The following SLC35D1 variants were observed in gnomAD, a reference collection of about 807,000 sequenced individuals.
SLC35D1 encodes the protein nucleotide sugar transporter SLC35D1.
Under a neutral mutation model 46.7 loss-of-function variants are expected in SLC35D1, and 31 were observed. The observed-to-expected ratio is 0.66, with a 90% CI of 0.50 to 0.90. The LOEUF is 0.90. SLC35D1 is among the 40% of genes least tolerant of loss of function. The probability of loss-of-function intolerance (pLI) is 0.00; values close to 1 mark genes in which losing one functional copy is unlikely to be tolerated. For missense variants in SLC35D1, 397 were observed against 426.2 expected, an observed-to-expected ratio of 0.93 and a Z score of 0.60; for synonymous variants, 195 against 164.6, an observed-to-expected ratio of 1.18 and a Z score of -1.41.
the SLC35D1 span, among the ~76,000 whole-genome samples, chr1:66,980,882 T>C: frequency 6.6e-6 from 1 of 151,950 alleles, no homozygotes; most frequent in Non-Finnish European, 1.5e-5. Flanking sequence ...ATCACACTAC[T>C]CAGTTGTGCA....
chr1:67,033,618 A>G (rs1668063594), intron 8 of SLC35D1, among the ~76,000 whole-genome samples: 1 of 152,054 alleles, frequency 6.6e-6, no homozygotes, highest in Non-Finnish European at 1.5e-5. Flanking sequence ...AAATATTTAC[A>G]AATATTTTCT....
intron 8 of SLC35D1, among the ~76,000 whole-genome samples, chr1:67,036,368 C>G (rs1017336247): frequency 6.6e-6 from 1 of 151,992 alleles, no homozygotes; most frequent in Non-Finnish European, 1.5e-5. Flanking sequence ...ATTCTTGCAT[C>G]AGTGTTTTAT....
chr1:67,013,620 T>C (rs1468470330), intron 10 of SLC35D1, among the ~76,000 whole-genome samples: 1 of 152,140 alleles, frequency 6.6e-6, no homozygotes, highest in African/African-American at 2.4e-5. Flanking sequence ...TTGCTGTCTT[T>C]GGTACAACAT....
At chr1:67,045,527 C>T (rs1645243280) in intron 7 of SLC35D1, among the ~76,000 whole-genome samples, 1 of 152,080 alleles carries the variant, frequency 6.6e-6, no homozygotes, top group Admixed American at 6.6e-5. Context: ...TAGTTTGTTG[C>T]TTATAAGATA....
Position 67,033,030 on chromosome 1 carries a change from CATA to C in SLC35D1, c.729+9203_729+9205del, listed in dbSNP as rs1258308472. Among the ~76,000 whole-genome samples, 3 of 152,170 alleles carry C rather than the reference CATA, an allele frequency of 2.0e-5. No individual in the cohort carries two copies. In the East Asian group the frequency reaches 5.8e-4, roughly 29 times the overall value. ...TTCTGTGCCTGCCTTATTTCCTTAA[CATA>C]ATGACCTCCAGTTCCATCCATGTTG... On this transcript the variant is annotated intron_variant, in intron 8 of 11. Coordinates refer to ENST00000235345, the MANE Select transcript of SLC35D1 (RefSeq NM_015139.3).
chr1:66,997,480 G>T (rs1233355984), downstream of SLC35D1, among the ~76,000 whole-genome samples: 2 of 140,924 alleles, frequency 1.4e-5, no homozygotes, highest in African/African-American at 5.3e-5. Context: ...TCCAGCCTGG[G>T]TGACAGAGTG....
chr1:67,048,293 C>G (rs924938952), intron 6 of SLC35D1, among the ~76,000 whole-genome samples: 1 of 152,184 alleles, frequency 6.6e-6, no homozygotes, highest in Non-Finnish European at 1.5e-5. Context: ...AGACAGTAAT[C>G]CTTTTCAGAA....
At chr1:66,986,090 C>T in the SLC35D1 span, 1 of 1,064,108 alleles carries the variant, frequency 9.4e-7, no homozygotes, top group Non-Finnish European at 1.1e-6. Context: ...TATTGGCACA[C>T]ACAAGGAACA....
chr1:67,011,829 T>A (rs1272127435), intron 10 of SLC35D1, among the ~76,000 whole-genome samples: 1 of 152,108 alleles, frequency 6.6e-6, no homozygotes, highest in Non-Finnish European at 1.5e-5. Context: ...AGAAAAAGAT[T>A]TGTGTGACAA....
the SLC35D1 span, chr1:66,973,014 T>C: frequency 7.2e-7 from 1 of 1,384,220 alleles, no homozygotes; most frequent in South Asian, 1.2e-5. Flanking sequence ...AATCTCTTTT[T>C]TGCAAAAAGA....
chr1:66,984,812 A>C, the SLC35D1 span: 4 of 1,613,642 alleles, frequency 2.5e-6, no homozygotes, highest in Non-Finnish European at 3.4e-6. Flanking sequence ...GTAAACAGCA[A>C]TGGAAAAGAA....
At chr1:66,987,905 T>C in the SLC35D1 span, 2 of 150,464 alleles carry the variant, frequency 1.3e-5, no homozygotes, top group Admixed American at 6.6e-5. Flanking sequence ...TTTCAGTCCC[T>C]AGACCTCCAT....
intron 11 of SLC35D1, among the ~76,000 whole-genome samples, chr1:67,005,250 G>A (rs1667422933): frequency 6.6e-6 from 1 of 152,098 alleles, no homozygotes; most frequent in Admixed American, 6.5e-5. Context: ...GCCTGACCTG[G>A]GCGCCAATTC....
Position 67,053,966 on chromosome 1 carries a change from G to A in SLC35D1, c.48C>T (p.Ala16=). 1 of 1,613,554 alleles carries A rather than the reference G, an allele frequency of 6.2e-7. No individual in the cohort carries two copies. The highest frequency in any genetic ancestry group is 8.5e-7 in the Non-Finnish European group (1 of 1,179,634). ...RRQHARVKGE[A]PAKSSTLRDE... is the part of the protein sequence containing the mutation. ...CTCGGAGTGTGGAGGATTTCGCGGG[G>A]GCTTCTCCTTTAACCCGAGCATGCT... Residue 16 remains alanine, a synonymous_variant, in exon 1 of 12, where the codon GCC becomes GCT. Coordinates refer to ENST00000235345, the MANE Select transcript of SLC35D1 (RefSeq NM_015139.3).
chr1:66,990,988 G>T, the SLC35D1 span, among the ~76,000 whole-genome samples: 1 of 152,112 alleles, frequency 6.6e-6, no homozygotes, highest in Admixed American at 6.5e-5. Context: ...ATAATCATTT[G>T]TCTCTCCTGC....
chr1:67,047,228 C>A (rs1389042544), intron 7 of SLC35D1, 37 bp downstream of exon 7: 1 of 1,496,986 alleles, frequency 6.7e-7, no homozygotes, highest in Non-Finnish European at 9.3e-7. Flanking sequence ...ATGCCAACAT[C>A]AGTACACAAC....
intron 3 of SLC35D1, 62 bp from the exon 4 acceptor site, chr1:67,052,141 T>C (rs921241523): frequency 2.0e-5 from 23 of 1,173,768 alleles, no homozygotes; most frequent in Non-Finnish European, 2.8e-5. Context: ...CAAGGTCCTT[T>C]CAAACAGAAA....
intron 10 of SLC35D1, among the ~76,000 whole-genome samples, chr1:67,009,586 C>T (rs1282951104): frequency 1.3e-5 from 2 of 152,108 alleles, no homozygotes; most frequent in Non-Finnish European, 2.9e-5. Context: ...GGAAAAAAGG[C>T]TCATCACCAA....
intron 10 of SLC35D1, among the ~76,000 whole-genome samples, chr1:67,014,905 C>T (rs1186748216): frequency 6.6e-6 from 1 of 150,994 alleles, no homozygotes; most frequent in Admixed American, 6.6e-5. Context: ...TGTCTCTTGG[C>T]CATACTAAGG....
Sources: gnomAD v4.1 joint callset for allele counts (sites outside exome capture counted in the v4.1 genomes callset) on GRCh38, gnomAD v4.1.1 for gene constraint, MANE v1.5 for transcripts, NCBI Gene and HGNC (gene_info 2026-07-23, HGNC 2026-07-21) for gene names.